ATP11B: variants seen among roughly 807,000 people sequenced by gnomAD.
ATP11B encodes the protein ATPase phospholipid transporting 11B (putative), also known as phospholipid-transporting ATPase IF.
ATP11B carries 81 observed loss-of-function variants against 157.8 expected under a neutral mutation model. That is an observed-to-expected ratio of 0.51 (90% CI 0.43 to 0.62). The LOEUF (loss-of-function observed/expected upper bound fraction) is 0.62, where lower values mean the gene tolerates loss of function less well. Among genes scored for constraint, ATP11B ranks in the 20% least tolerant of loss-of-function variants. The pLI, the probability that ATP11B is intolerant of heterozygous loss-of-function variation, is 0.00. For synonymous variants in ATP11B, 451 were observed against 469.4 expected (o/e 0.96, Z 0.51); for missense variants, 1,165 against 1,402.2 (o/e 0.83, Z 2.70).
chr3:182,915,503 C>T, intron 29 of ATP11B: 2 of 984,230 alleles, frequency 2.0e-6, no homozygotes, highest in Non-Finnish European at 2.4e-6. Flanking sequence ...AGCTTCATTG[C>T]ACAGAATCAA....
At chr3:182,877,068 T>G (rs1281821368) in intron 19 of ATP11B, among the ~76,000 whole-genome samples, 2 of 152,256 alleles carry the variant, frequency 1.3e-5, no homozygotes, top group Non-Finnish European at 2.9e-5. Context: ...TATTGTCACC[T>G]GTCTAGGCAT....
chr3:182,917,663 T>C, intron 29 of ATP11B: 2 of 985,406 alleles, frequency 2.0e-6, no homozygotes, highest in Non-Finnish European at 2.4e-6. Flanking sequence ...GGTTTGTTTT[T>C]GTAAACTGAA....
At chr3:182,881,161 C>T (rs1017535271) in intron 21 of ATP11B, among the ~76,000 whole-genome samples, 180 bp downstream of exon 21, 12 of 152,166 alleles carry the variant, frequency 7.9e-5, no homozygotes, top group South Asian at 4.1e-4. Flanking sequence ...TTAGGCCGGG[C>T]GTGGTGGCTC....
chr3:182,858,153 C>A, intron 11 of ATP11B, 125 bp downstream of exon 11: 1 of 792,102 alleles, frequency 1.3e-6, no homozygotes, highest in Non-Finnish European at 1.9e-6. Flanking sequence ...TGAAGGGTGA[C>A]AGAAATGGCA....
chr3:182,906,214 A>C (rs1384702983), intron 28 of ATP11B, among the ~76,000 whole-genome samples: 1 of 151,994 alleles, frequency 6.6e-6, no homozygotes, highest in Non-Finnish European at 1.5e-5. Flanking sequence ...TCAAGAAAAT[A>C]CTCCTTTTTA....
At chr3:182,879,703 T>C (rs866100302) in intron 20 of ATP11B, 54 bp downstream of exon 20, 13 of 1,474,118 alleles carry the variant, frequency 8.8e-6, no homozygotes, top group Middle Eastern at 4.5e-4. Context: ...TATAAACATA[T>C]TATTTAAAGT....
intron 2 of ATP11B, among the ~76,000 whole-genome samples, chr3:182,822,430 C>T (rs1420702394): frequency 6.6e-6 from 1 of 152,140 alleles, no homozygotes; most frequent in Non-Finnish European, 1.5e-5. Context: ...ATCCGTGTCC[C>T]TGCAAAGGAC....
At chr3:182,842,178 G>A in intron 8 of ATP11B, 56 bp downstream of exon 8, 1 of 1,258,632 alleles carries the variant, frequency 7.9e-7, no homozygotes, top group Non-Finnish European at 1.1e-6. Context: ...TTTGGGGGAG[G>A]GACTAGAAGT....
chr3:182,795,555 A>G (rs1304743057), intron 1 of ATP11B, among the ~76,000 whole-genome samples: 1 of 152,234 alleles, frequency 6.6e-6, no homozygotes, highest in Non-Finnish European at 1.5e-5. Context: ...CCGTCTTAAC[A>G]GGGATGGTTA....
intron 2 of ATP11B, among the ~76,000 whole-genome samples, chr3:182,826,708 A>T (rs546689432): frequency 8.9e-4 from 136 of 152,352 alleles, no homozygotes; most frequent in African/African-American, 3.2e-3. Context: ...TCACCAAAGA[A>T]GGAAAGTTTG....
intron 29 of ATP11B, chr3:182,917,010 T>C: frequency 1.0e-6 from 1 of 985,270 alleles, no homozygotes; most frequent in South Asian, 4.7e-5. Context: ...GAGACAGTAG[T>C]GAACAAGTCC....
At chr3:182,876,590 C>T (rs777619653) in intron 19 of ATP11B, among the ~76,000 whole-genome samples, 3 of 152,162 alleles carry the variant, frequency 2.0e-5, no homozygotes, top group Non-Finnish European at 4.4e-5. Flanking sequence ...AAGGCACCAG[C>T]AAGTTGTATA....
rs1724962259 is a variant in ATP11B, at chr3:182,913,843, C to T, written c.3319-18C>T. On this transcript the variant is annotated intron_variant, in intron 28 of 29. Coordinates refer to ENST00000323116, the MANE Select transcript of ATP11B (RefSeq NM_014616.3). ...CATATCTTTAAACAACTGATGTTTT[C>T]TGCTTCACCTCCCGCAGCTTACTGA... 2.5e-6 allele frequency: 4 copies of T among 1,613,820 alleles called. No homozygotes were observed. The highest frequency in any genetic ancestry group is 3.4e-6 in the Non-Finnish European group (4 of 1,179,866).
rs1003320198 is a variant in ATP11B at position 182,879,605 on chromosome 3, T to A, written c.2362T>A (p.Ser788Thr). ...ATTTATGGAAGTTTGCAGAAATTGT[T>A]CAGCTGTATTATGCTGTCGTATGGC... ...KLFMEVCRNC[S>T]AVLCCRMAPL... The change falls in exon 20 of 30, where the codon TCA becomes ACA. Residue 788 changes from serine (S) to threonine (T), a missense_variant. Physicochemically the swap from Ser to Thr is moderately conservative, Grantham distance 58. Around this residue, in one of 4 missense-constraint regions of ATP11B, gnomAD observed 737 missense variants for 930.5 expected, o/e 0.79. Coordinates refer to ENST00000323116, the MANE Select transcript of ATP11B (RefSeq NM_014616.3). The A allele has an allele frequency of 1.2e-6, 2 of 1,613,998 alleles. No homozygotes were observed. The highest frequency in any genetic ancestry group is 2.7e-5 in the African/African-American group (2 of 74,948).
At chr3:182,861,253 C>T (rs888190373) in intron 12 of ATP11B, among the ~76,000 whole-genome samples, 7 of 151,754 alleles carry the variant, frequency 4.6e-5, no homozygotes, top group East Asian at 1.9e-4. Context: ...TTAGTAGAAA[C>T]GTGGTTTCTC....
chr3:182,912,448 C>CT (rs11360803), intron 28 of ATP11B, among the ~76,000 whole-genome samples: 5,265 of 146,924 alleles, frequency 0.036, 140 homozygotes, highest in African/African-American at 0.079. Context: ...CACTGACCCC[C>CT]TTTTTTTTTT....
At chr3:182,855,722 A>T (rs1388914613) in intron 10 of ATP11B, among the ~76,000 whole-genome samples, 1 of 152,184 alleles carries the variant, frequency 6.6e-6, no homozygotes, top group African/African-American at 2.4e-5. Flanking sequence ...GGCATACTTC[A>T]TATTTCACCA....
intron 25 of ATP11B, among the ~76,000 whole-genome samples, chr3:182,890,974 A>T (rs995663958): frequency 6.6e-6 from 1 of 152,240 alleles, no homozygotes. Context: ...CCAACATGGC[A>T]CATGTATACA....
chr3:182,857,698 G>A (rs1329807111), intron 10 of ATP11B, among the ~76,000 whole-genome samples, 180 bp from the exon 11 acceptor site: 1 of 151,904 alleles, frequency 6.6e-6, no homozygotes, highest in African/African-American at 2.4e-5. Context: ...TTCTTTTATT[G>A]CTAATAAATA....
Sources: gnomAD v4.1 joint callset for allele counts (sites outside exome capture counted in the v4.1 genomes callset) on GRCh38, gnomAD v4.1.1 for gene constraint, gnomAD v4.1.1 regional missense constraint, MANE v1.5 for transcripts, NCBI Gene and HGNC (gene_info 2026-07-23, HGNC 2026-07-21) for gene names.